TNIP1: variants seen among roughly 807,000 people sequenced by gnomAD.
The protein encoded by TNIP1 is TNFAIP3-interacting protein 1.
Under a neutral mutation model 86.6 loss-of-function variants are expected in TNIP1, and 22 were observed. That is an observed-to-expected ratio of 0.25 (90% CI 0.18 to 0.36). The LOEUF (loss-of-function observed/expected upper bound fraction) is 0.36, where lower values mean the gene tolerates loss of function less well. TNIP1 is among the 10% of genes least tolerant of loss of function. The probability of loss-of-function intolerance (pLI) is 1.00; values close to 1 mark genes in which losing one functional copy is unlikely to be tolerated. For missense variants in TNIP1, 709 were observed against 820.6 expected (o/e 0.86, Z 1.66); for synonymous variants, 294 against 313.0 (o/e 0.94, Z 0.64).
Position 151,064,978 on chromosome 5 carries a change from G to T in TNIP1, c.118C>A (p.Gln40Lys). ...GCTTTACCTAACATCTTTATCCCTTGCATTTTTTCCTTCAGCCGGGAATTC... is the reference window on the plus strand; with the variant it reads ...GCTTTACCTAACATCTTTATCCCTTTCATTTTTTCCTTCAGCCGGGAATTC... Reference protein sequence around the residue: ...KENSRLKEKMQGIKMLGELLE... With the variant: ...KENSRLKEKMKGIKMLGELLE... Residue 40 changes from glutamine to lysine, a missense_variant, in exon 2 of 18, where the codon CAA becomes AAA. Transcript: ENST00000521591. 6.2e-7 allele frequency: 1 copy of T among 1,614,168 alleles called. No homozygotes were observed. The highest frequency in any genetic ancestry group is 8.5e-7 in the Non-Finnish European group (1 of 1,180,022).
chr5:151,048,896 C>G (rs1759530464), intron 8 of TNIP1, among the ~76,000 whole-genome samples: 1 of 152,194 alleles, frequency 6.6e-6, no homozygotes, highest in African/African-American at 2.4e-5. Context: ...TGCCTGATAG[C>G]AGGTCACACA....
intron 13 of TNIP1, 135 bp downstream of exon 13, chr5:151,036,655 T>G: frequency 7.5e-7 from 1 of 1,327,142 alleles, no homozygotes; most frequent in Non-Finnish European, 1.0e-6. Flanking sequence ...CTAGAGCCAG[T>G]GGGGGGCCCT....
chr5:151,059,818 A>AGG (rs1561512723), intron 5 of TNIP1, among the ~76,000 whole-genome samples: 1 of 102,980 alleles, frequency 9.7e-6, no homozygotes, highest in African/African-American at 5.0e-5. Flanking sequence ...AGAGAGAGAG[A>AGG]GAGAGAGAGA....
At chr5:151,078,909 T>A (rs1314381413) in intron 1 of TNIP1, among the ~76,000 whole-genome samples, 3 of 152,164 alleles carry the variant, frequency 2.0e-5, no homozygotes, top group African/African-American at 7.2e-5. Flanking sequence ...CAGGTCGGCC[T>A]GACCCAACCA....
rs1554076446 is a variant in TNIP1 at position 151,059,828 on chromosome 5, A to AGAGAGT, written c.435+489_435+490insACTCTC. On this transcript the variant is annotated intron_variant, in intron 5 of 17. Coordinates refer to ENST00000521591, the MANE Select transcript of TNIP1 (RefSeq NM_006058.5). ...GAGAGAGAGAGAGAGAGAGAGAGAG[A>AGAGAGT]GTGTGTGTGTGTGTGTGTGTGTGTG... is the stretch of plus-strand genomic sequence containing the variant. Among the ~76,000 whole-genome samples, 155 of 56,242 alleles carry AGAGAGT rather than the reference A, an allele frequency of 2.8e-3. 1 individual carries two copies. Among genetic ancestry groups the AGAGAGT allele is most frequent in the African/African-American group, 3.3e-3 (39 of 11,758 alleles). The allele number at this position is 56,242 out of a possible 152,430, so 36.9% of individuals were successfully genotyped here. A position where few individuals can be genotyped will look rare whatever the true frequency, so the allele number is the denominator to read the frequency against.
Position 151,073,582 on chromosome 5 carries a change from T to TTGTGTGTGTGTGTGTGTGTGTGTGTG in TNIP1, c.-37+7297_-37+7298insCACACACACACACACACACACACACA, listed in dbSNP as rs377380185. ...GGATGCTATTTTTTTCAAAAACACA[T>TTGTGTGTGTGTGTGTGTGTGTGTGTG]TGTGTGTGTGTGTGTATACATACGG... On this transcript the variant is annotated intron_variant, in intron 1 of 17. Transcript: ENST00000521591. 2.9e-3 allele frequency among the ~76,000 whole-genome samples: 440 copies of TTGTGTGTGTGTGTGTGTGTGTGTGTG among 150,296 alleles called. 3 individuals carry two copies. The highest frequency in any genetic ancestry group is 0.01 in the African/African-American group (411 of 40,426).
rs555821738 is a variant in TNIP1, at chr5:151,057,827, C to T, written c.436-870G>A. On this transcript the variant is annotated intron_variant, in intron 5 of 17. Coordinates refer to ENST00000521591, the MANE Select transcript of TNIP1 (RefSeq NM_006058.5). ...TTAGCATTTACATTGTATTAGGTAT[C>T]GTAAGTAATCTAGAGATGATTTAAA... 7.2e-5 allele frequency among the ~76,000 whole-genome samples: 11 copies of T among 152,232 alleles called. No homozygotes were observed. The South Asian group carries it at 8.3e-4, about 11-fold the overall frequency.
At chr5:151,060,945 T>C (rs3792792) in intron 4 of TNIP1, among the ~76,000 whole-genome samples, 6,763 of 152,248 alleles carry the variant, frequency 0.044, 219 homozygotes, top group African/African-American at 0.094. Flanking sequence ...ACCAAGCATG[T>C]CCTGTGCTGG....
At chr5:151,038,116 A>C (rs1757947496) in intron 12 of TNIP1, among the ~76,000 whole-genome samples, 1 of 152,172 alleles carries the variant, frequency 6.6e-6, no homozygotes, top group Admixed American at 6.5e-5. Context: ...CCAGCTCAGG[A>C]CAGATCGCGT....
rs556963526 is a variant in TNIP1 at position 151,061,979 on chromosome 5, G to C, written c.357+148C>G. ...AAAATGGGGAGGCTGAGGCCCCAGA[G>C]AGTTTGCGATGGACTTGCCCAATAT... is the stretch of plus-strand genomic sequence containing the variant. On this transcript the variant is annotated intron_variant, in intron 4 of 17. Transcript: ENST00000521591. 7.3e-6 allele frequency: 5 copies of C among 689,046 alleles called. No homozygotes were observed. In the East Asian group the frequency reaches 1.4e-4, roughly 19 times the overall value. 42.7% of individuals were successfully genotyped at this position (689,046 alleles called of 1,614,324 possible). A position where few individuals can be genotyped will look rare whatever the true frequency, so the allele number is the denominator to read the frequency against.
intron 12 of TNIP1, among the ~76,000 whole-genome samples, chr5:151,037,764 C>T (rs997521962): frequency 1.3e-5 from 2 of 152,162 alleles, no homozygotes; most frequent in Admixed American, 1.3e-4. Flanking sequence ...CTCCCTGGAC[C>T]GAGGGGAGAT....
At chr5:151,060,171 A>T in intron 5 of TNIP1, 147 bp downstream of exon 5, 2 of 755,796 alleles carry the variant, frequency 2.6e-6, no homozygotes, top group Non-Finnish European at 4.3e-6. Flanking sequence ...AGCGAGAAGC[A>T]CCCTTTGCTC....
intron 3 of TNIP1, among the ~76,000 whole-genome samples, 159 bp downstream of exon 3, chr5:151,063,454 C>T (rs1450149330): frequency 6.6e-6 from 1 of 152,122 alleles, no homozygotes; most frequent in Non-Finnish European, 1.5e-5. Flanking sequence ...ATCTGACCTT[C>T]TGGGGGATGT....
At chr5:151,045,716 A>G in intron 9 of TNIP1, 145 bp downstream of exon 9, 1 of 739,980 alleles carries the variant, frequency 1.4e-6, no homozygotes, top group South Asian at 1.6e-5. Context: ...GACCTCATCC[A>G]TGGGCAGGCA....
intron 15 of TNIP1, among the ~76,000 whole-genome samples, 196 bp from the exon 16 acceptor site, chr5:151,033,995 A>C (rs1757292595): frequency 6.6e-6 from 1 of 152,236 alleles, no homozygotes; most frequent in Non-Finnish European, 1.5e-5. Flanking sequence ...ATATATGAGC[A>C]TGGAAGGCTG....
intron 1 of TNIP1, among the ~76,000 whole-genome samples, chr5:151,086,323 T>C (rs906228915): frequency 2.0e-5 from 3 of 152,182 alleles, no homozygotes; most frequent in Non-Finnish European, 1.5e-5. Context: ...GCGTCAGCTG[T>C]GTCTGCCTGC....
At chr5:151,071,185 G>A (rs1276945306) in intron 1 of TNIP1, among the ~76,000 whole-genome samples, 1 of 152,144 alleles carries the variant, frequency 6.6e-6, no homozygotes, top group Non-Finnish European at 1.5e-5. Flanking sequence ...CATGAGTGAG[G>A]ACACAGCACA....
At chr5:151,039,018 T>TG (rs1758063276) in intron 12 of TNIP1, 79 bp downstream of exon 12, 16 of 1,542,708 alleles carry the variant, frequency 1.0e-5, no homozygotes, top group Non-Finnish European at 1.4e-5. Context: ...GCTGAATGGT[T>TG]GGGGGTGCCA....
chr5:151,039,242 G>T lies in TNIP1; in HGVS notation c.1135-17C>A. On this transcript the variant is annotated splice_polypyrimidine_tract_variant and intron_variant, in intron 11 of 17. Coordinates refer to ENST00000521591, the MANE Select transcript of TNIP1 (RefSeq NM_006058.5). Reference sequence around the variant, plus strand: ...CTTGTCGGTCTGCAGGGAATACAAGGTTGGTAAGCTGGCTAGGATGGCCTC... The same window carrying T: ...CTTGTCGGTCTGCAGGGAATACAAGTTTGGTAAGCTGGCTAGGATGGCCTC... The T allele has an allele frequency of 6.2e-7, 1 of 1,608,422 alleles. No individual in the cohort carries two copies. The highest frequency in any genetic ancestry group is 8.5e-7 in the Non-Finnish European group (1 of 1,178,740).
Sources: allele counts gnomAD v4.1 joint callset (sites outside exome capture counted in the v4.1 genomes callset), GRCh38; gene constraint gnomAD v4.1.1; transcripts MANE v1.5; gene names NCBI Gene and HGNC (gene_info 2026-07-23, HGNC 2026-07-21).